Variants in AGBL1 observed in about 807,000 individuals in gnomAD.
AGBL1 encodes cytosolic carboxypeptidase 4.
A neutral mutation model predicts 118.9 loss-of-function variants in AGBL1; 130 were observed. The ratio of observed to expected loss-of-function variants is 1.09; its 90% confidence interval spans 0.95 to 1.26. The LOEUF (loss-of-function observed/expected upper bound fraction) is 1.26, where lower values mean the gene tolerates loss of function less well. Among genes scored for constraint, AGBL1 ranks in the 50% most tolerant of loss-of-function variants. The probability of loss-of-function intolerance (pLI) is 0.00; values close to 1 mark genes in which losing one functional copy is unlikely to be tolerated. For synonymous variants in AGBL1, 555 were observed against 478.9 expected, an observed-to-expected ratio of 1.16 and a Z score of -2.08; for missense variants, 1,584 against 1,298.1, an observed-to-expected ratio of 1.22 and a Z score of -3.38.
At chr15:86,159,596 G>T (rs914006838) in intron 5 of AGBL1, among the ~76,000 whole-genome samples, 50 of 151,956 alleles carry the variant, frequency 3.3e-4, no homozygotes, top group African/African-American at 1.1e-3. Flanking sequence ...GCCTCTGCTT[G>T]CTGGAGTGGA....
intron 22 of AGBL1, among the ~76,000 whole-genome samples, chr15:86,877,768 C>G (rs537603039): frequency 6.6e-6 from 1 of 152,328 alleles, no homozygotes; most frequent in Admixed American, 6.5e-5. Flanking sequence ...CAGCTTCTCT[C>G]CGGACACTCC....
chr15:86,698,635 C>T (rs8035940), intron 22 of AGBL1, among the ~76,000 whole-genome samples: 43,413 of 149,008 alleles, frequency 0.29, 6,967 homozygotes, highest in East Asian at 0.62. Context: ...TAAAAAGAGA[C>T]CAACAGGATT....
intron 18 of AGBL1, among the ~76,000 whole-genome samples, chr15:86,495,555 T>G (rs2082839821): frequency 6.6e-6 from 1 of 151,908 alleles, no homozygotes; most frequent in African/African-American, 2.4e-5. Context: ...ATAGATTCTG[T>G]TTTTTGATGC....
intron 18 of AGBL1, among the ~76,000 whole-genome samples, chr15:86,410,982 C>T (rs2081611877): frequency 1.5e-5 from 2 of 133,850 alleles, no homozygotes; most frequent in Non-Finnish European, 3.1e-5. Flanking sequence ...TTTGGTTATC[C>T]TTTTGATTTT....
At chr15:86,285,208 C>T (rs1359749117) in intron 16 of AGBL1, among the ~76,000 whole-genome samples, 1 of 152,046 alleles carries the variant, frequency 6.6e-6, no homozygotes, top group Non-Finnish European at 1.5e-5. Flanking sequence ...TGACTGAAGT[C>T]AAAATAATCC....
At chr15:86,209,953 T>G (rs1391348180) in intron 5 of AGBL1, among the ~76,000 whole-genome samples, 1 of 152,184 alleles carries the variant, frequency 6.6e-6, no homozygotes, top group Non-Finnish European at 1.5e-5. Flanking sequence ...TGGCTGGAAC[T>G]GATTGTTCCT....
At position 86,670,126 on chromosome 15, in the gene AGBL1, C is replaced by T. The variant is rs557951571; in HGVS notation, c.2995-4147C>T. ...TTATATATAATACTGTCATAATATA[C>T]ATTTTTATGCCTATAGCTTCCCTTT... On this transcript the variant is annotated intron_variant, in intron 21 of 22. Transcript: ENST00000614907. Among the ~76,000 whole-genome samples the T allele has an allele frequency of 8.5e-5, 13 of 152,166 alleles. No individual in the cohort carries two copies. In the South Asian group the frequency reaches 2.7e-3, roughly 32 times the overall value.
chr15:86,080,087 T>A, intron 1 of AGBL1, 64 bp downstream of exon 1: 1 of 1,186,780 alleles, frequency 8.4e-7, no homozygotes, highest in Non-Finnish European at 1.1e-6. Flanking sequence ...CTGGCCTGCC[T>A]GGGAGCTATG....
intron 19 of AGBL1, among the ~76,000 whole-genome samples, chr15:86,523,185 G>T (rs1173674477): frequency 6.6e-6 from 1 of 152,208 alleles, no homozygotes; most frequent in Non-Finnish European, 1.5e-5. Flanking sequence ...GAATCAGGGT[G>T]TTGGCAGGAT....
At chr15:86,553,295 C>T (rs890837411) in intron 20 of AGBL1, among the ~76,000 whole-genome samples, 2 of 152,210 alleles carry the variant, frequency 1.3e-5, no homozygotes, top group African/African-American at 4.8e-5. Flanking sequence ...ATACTATCAA[C>T]TCTGAGTCAT....
intron 4 of AGBL1, among the ~76,000 whole-genome samples, chr15:86,155,257 C>T (rs886634577): frequency 1.3e-5 from 2 of 152,170 alleles, no homozygotes; most frequent in African/African-American, 2.4e-5. Flanking sequence ...CGCTTGAGCC[C>T]AGGCATTTGA....
At chr15:86,340,690 T>C (rs2080447960) in intron 17 of AGBL1, among the ~76,000 whole-genome samples, 1 of 152,168 alleles carries the variant, frequency 6.6e-6, no homozygotes, top group Admixed American at 6.5e-5. Flanking sequence ...TGGTAATTTG[T>C]TATGGTAGTC....
chr15:86,089,964 A>G (rs1187257195), intron 1 of AGBL1, among the ~76,000 whole-genome samples: 1 of 152,198 alleles, frequency 6.6e-6, no homozygotes, highest in Non-Finnish European at 1.5e-5. Context: ...TTTGAAGAAA[A>G]ATGGGCATTA....
rs1482783713 is a variant in AGBL1 at position 86,298,331 on chromosome 15, GGT to G, written c.2374+2924_2374+2925del. Reference sequence around the variant, plus strand: ...TATATATATAGGTAACTATATATATGGTAACTATATATATATGAATATATTCT... The same window carrying G: ...TATATATATAGGTAACTATATATATGAACTATATATATATGAATATATTCT... On this transcript the variant is annotated intron_variant, in intron 17 of 22. Coordinates refer to ENST00000614907, the MANE Select transcript of AGBL1 (RefSeq NM_001386094.1). Among the ~76,000 whole-genome samples, 202 of 102,028 alleles carry G rather than the reference GGT, an allele frequency of 2.0e-3. 2 individuals carry two copies. The highest frequency in any genetic ancestry group is 7.1e-3 in the African/African-American group (180 of 25,294). The allele number at this position is 102,028 out of a possible 152,430, so 66.9% of individuals were successfully genotyped here. A position where few individuals can be genotyped will look rare whatever the true frequency, so the allele number is the denominator to read the frequency against.
intron 1 of AGBL1, among the ~76,000 whole-genome samples, chr15:86,133,850 G>A (rs1336928206): frequency 6.6e-6 from 1 of 152,072 alleles, no homozygotes; most frequent in African/African-American, 2.4e-5. Context: ...TTTTTATTTT[G>A]TTTTATTTTA....
At chr15:86,521,833 G>C (rs563560129) in intron 18 of AGBL1, among the ~76,000 whole-genome samples, 1 of 152,294 alleles carries the variant, frequency 6.6e-6, no homozygotes, top group African/African-American at 2.4e-5. Flanking sequence ...GGGTGTGGAA[G>C]GACAATGGTG....
intron 23 of AGBL1, among the ~76,000 whole-genome samples, chr15:86,921,919 G>C (rs1252475422): frequency 6.6e-6 from 1 of 152,096 alleles, no homozygotes; most frequent in Non-Finnish European, 1.5e-5. Flanking sequence ...ATAAAGTGAG[G>C]TCTTCATGAA....
At chr15:86,940,594 G>T (rs548565309) in intron 23 of AGBL1, among the ~76,000 whole-genome samples, 3 of 152,226 alleles carry the variant, frequency 2.0e-5, no homozygotes, top group Non-Finnish European at 4.4e-5. Flanking sequence ...ACACACAAGG[G>T]CCCAACAGAC....
intron 22 of AGBL1, among the ~76,000 whole-genome samples, chr15:86,737,132 T>A (rs930262177): frequency 9.2e-5 from 14 of 152,298 alleles, no homozygotes; most frequent in Non-Finnish European, 1.6e-4. Context: ...ACATACAGAA[T>A]ATTATTGAAG....
Sources: allele counts gnomAD v4.1 joint callset (sites outside exome capture counted in the v4.1 genomes callset), GRCh38; gene constraint gnomAD v4.1.1; transcripts MANE v1.5; gene names NCBI Gene and HGNC (gene_info 2026-07-23, HGNC 2026-07-21).